UBE2D4: variants seen among roughly 807,000 people sequenced by gnomAD.
UBE2D4 encodes the protein ubiquitin conjugating enzyme E2 D4, also known as ubiquitin-conjugating enzyme E2 D4.
UBE2D4 carries 17 observed loss-of-function variants against 23.0 expected under a neutral mutation model. The ratio of observed to expected loss-of-function variants is 0.74; its 90% CI spans 0.51 to 1.11. The LOEUF is 1.11. Among genes scored for constraint, UBE2D4 ranks in the 50% least tolerant of loss-of-function variants. The probability of loss-of-function intolerance (pLI) is 0.00; values close to 1 mark genes in which losing one functional copy is unlikely to be tolerated. For missense variants in UBE2D4, 139 were observed against 181.8 expected (o/e 0.76, Z 1.35); for synonymous variants, 61 against 69.4 (o/e 0.88, Z 0.60).
At chr7:43,948,977 C>T in intron 5 of UBE2D4, 1 of 459,204 alleles carries the variant, frequency 2.2e-6, no homozygotes, top group Middle Eastern at 5.2e-4. Flanking sequence ...TCAAGACTGT[C>T]ACATGGGTGC....
Position 43,947,500 on chromosome 7 carries a change from G to A in UBE2D4, c.199-1132G>A, listed in dbSNP as rs547063055. 2.6e-5 allele frequency among the ~76,000 whole-genome samples: 4 copies of A among 152,316 alleles called. No individual in the cohort carries two copies. The South Asian group carries it at 8.3e-4, about 32-fold the overall frequency. ...GGTTTCCAGTTTCATCCATGTCTCT[G>A]CAAAGGATGTGAACTTATCCTTTTT... On this transcript the variant is annotated intron_variant, in intron 4 of 6. Transcript: ENST00000222402.
intron 1 of UBE2D4, 133 bp downstream of exon 1, chr7:43,926,689 A>T: frequency 2.1e-6 from 2 of 942,288 alleles, no homozygotes; most frequent in Non-Finnish European, 3.0e-6. Flanking sequence ...AAGGAGGCAG[A>T]ACAGCCTCCC....
chr7:43,949,348 G>A (rs2095996242), intron 5 of UBE2D4: 1 of 152,364 alleles, frequency 6.6e-6, no homozygotes, highest in Non-Finnish European at 1.5e-5. Flanking sequence ...AGCGTGGGAG[G>A]ATGGTGAAAA....
chr7:43,949,446 C>G (rs1228703424), intron 5 of UBE2D4, among the ~76,000 whole-genome samples: 1 of 152,182 alleles, frequency 6.6e-6, no homozygotes, highest in Non-Finnish European at 1.5e-5. Context: ...AGGCCATTCT[C>G]AAACTCCTGG....
chr7:43,952,364 GAAAGGGAGGAAGTCTGTTGCATTATT>G lies in UBE2D4; in HGVS notation c.399-282_399-257del, dbSNP rs2096004678. 8.8e-6 allele frequency: 3 copies of G among 341,586 alleles called. No homozygotes were observed. The South Asian group carries it at 1.1e-4, about 12-fold the overall frequency. The allele number at this position is 341,586 out of a possible 1,614,324, so 21.2% of individuals were successfully genotyped here. On this transcript the variant is annotated intron_variant, in intron 6 of 6. Transcript: ENST00000222402. ...CATCCATATTGTAGGACAGGAGAAA[GAAAGGGAGGAAGTCTGTTGCATTATT>G]AAATCTTCCACAGCAGATAGTTATG...
intron 1 of UBE2D4, among the ~76,000 whole-genome samples, chr7:43,931,357 G>A (rs972989019): frequency 3.3e-5 from 5 of 152,106 alleles, no homozygotes; most frequent in African/African-American, 9.7e-5. Flanking sequence ...TGGAAGGATC[G>A]CTTGAGCCAG....
chr7:43,945,776 C>CTTTTT (rs11339851), intron 4 of UBE2D4, among the ~76,000 whole-genome samples: 18 of 84,186 alleles, frequency 2.1e-4, no homozygotes, highest in Non-Finnish European at 3.4e-4. Context: ...GGCAAAATCC[C>CTTTTT]TTTTTTTTTT....
chr7:43,938,991 A>C, intron 2 of UBE2D4, among the ~76,000 whole-genome samples: 1 of 152,166 alleles, frequency 6.6e-6, no homozygotes, highest in East Asian at 1.9e-4. Context: ...CTTATACTCA[A>C]AGTAGAACCT....
At chr7:43,947,928 T>A (rs1037434496) in intron 4 of UBE2D4, among the ~76,000 whole-genome samples, 2 of 152,284 alleles carry the variant, frequency 1.3e-5, no homozygotes, top group African/African-American at 4.8e-5. Flanking sequence ...TTGATTTGCA[T>A]TTCTCTGATG....
At position 43,926,568 on chromosome 7, in the gene UBE2D4, C is replaced by A. The variant is rs563302030; in HGVS notation, c.24+12C>A. The A allele has an allele frequency of 4.5e-6, 7 of 1,569,050 alleles. No individual in the cohort carries two copies. Among genetic ancestry groups the A allele is most frequent in the African/African-American group, 2.8e-5 (2 of 71,196 alleles). ...AGCGGATCCAGAAGGTACGCACTTT[C>A]CCACCCTCCAACTCTTTGGGTGTCC... On this transcript the variant is annotated intron_variant, in intron 1 of 6. Coordinates refer to ENST00000222402, the MANE Select transcript of UBE2D4 (RefSeq NM_015983.4).
At chr7:43,937,109 G>A (rs941365905) in intron 1 of UBE2D4, among the ~76,000 whole-genome samples, 3 of 152,204 alleles carry the variant, frequency 2.0e-5, no homozygotes, top group Non-Finnish European at 4.4e-5. Context: ...CATGGATTCT[G>A]CATATAGGCA....
At position 43,948,646 on chromosome 7, in the gene UBE2D4, C is replaced by A. The variant is rs765539209; in HGVS notation, c.213C>A (p.Thr71=). The change falls in exon 5 of 7, where the codon ACC becomes ACA. Residue 71 remains threonine, a synonymous_variant. Transcript: ENST00000222402. The stretch of plus-strand genomic sequence containing the variant: ...TGTCTTTGCAGGTTGCTTTCACAAC[C>A]AAAATTTATCACCCTAATATCAACA... ...PFKPPKVAFT[T]KIYHPNINSN... The A allele has an allele frequency of 1.6e-5, 26 of 1,607,558 alleles. No individual in the cohort carries two copies. The South Asian group carries it at 2.7e-4, about 17-fold the overall frequency.
chr7:43,927,145 A>G (rs539866099), intron 1 of UBE2D4, among the ~76,000 whole-genome samples: 1 of 152,284 alleles, frequency 6.6e-6, no homozygotes, highest in East Asian at 1.9e-4. Context: ...TAGAAGAAAG[A>G]AGTATTTCTA....
intron 1 of UBE2D4, among the ~76,000 whole-genome samples, chr7:43,934,768 G>A (rs1490424832): frequency 2.0e-5 from 3 of 151,778 alleles, no homozygotes; most frequent in East Asian, 3.9e-4. Flanking sequence ...GGGATGCATT[G>A]TGAAATATTC....
rs545423143 is a variant in UBE2D4 at position 43,933,095 on chromosome 7, GTA to G, written c.25-5327_25-5326del. Among the ~76,000 whole-genome samples the G allele has an allele frequency of 2.3e-4, 34 of 145,474 alleles. 1 individual carries two copies. Among genetic ancestry groups the G allele is most frequent in the Admixed American group, 2.2e-3 (32 of 14,512 alleles). ...CATATATATACACATATGTATGTGT[GTA>G]TATATATAACATATATACTTATATG... On this transcript the variant is annotated intron_variant, in intron 1 of 6. Coordinates refer to ENST00000222402, the MANE Select transcript of UBE2D4 (RefSeq NM_015983.4).
At position 43,953,307 on chromosome 7, in the gene UBE2D4, AG is replaced by A. The variant is rs1285610606; in HGVS notation, c.*613del. The A allele has an allele frequency of 2.4e-6, 1 of 417,626 alleles. No homozygotes were observed. The highest frequency in any genetic ancestry group is 2.1e-5 in the African/African-American group (1 of 48,204). 25.9% of individuals were successfully genotyped at this position (417,626 alleles called of 1,614,324 possible). On this transcript the variant is annotated 3_prime_UTR_variant, in exon 7 of 7. Transcript: ENST00000222402. ...TGGCATTTCTCGCCTCACACCAAGAAGCAGCAAGTGGAAAATTTCAGGATAC... is the reference window on the plus strand; with the variant it reads ...TGGCATTTCTCGCCTCACACCAAGAACAGCAAGTGGAAAATTTCAGGATAC...
At chr7:43,943,793 C>T (rs1014541136) in intron 4 of UBE2D4, 3 of 152,540 alleles carry the variant, frequency 2.0e-5, no homozygotes, top group African/African-American at 7.2e-5. Context: ...CCTTGGACCT[C>T]GTACTCCTTC....
chr7:43,946,113 T>G (rs1409132747), intron 4 of UBE2D4: 2 of 152,138 alleles, frequency 1.3e-5, no homozygotes, highest in Non-Finnish European at 2.9e-5. Flanking sequence ...CCCCAGCCCC[T>G]GCGTTGGGGT....
chr7:43,938,127 G>C (rs537190278), intron 1 of UBE2D4, among the ~76,000 whole-genome samples: 2 of 152,236 alleles, frequency 1.3e-5, no homozygotes, highest in Non-Finnish European at 2.9e-5. Flanking sequence ...CTAGGCTTGG[G>C]GGTAAGGCAG....
Sources: gnomAD v4.1 joint callset for allele counts (sites outside exome capture counted in the v4.1 genomes callset) on GRCh38, gnomAD v4.1.1 for gene constraint, MANE v1.5 for transcripts, NCBI Gene and HGNC (gene_info 2026-07-23, HGNC 2026-07-21) for gene names.